The following MYO16 variants were observed in gnomAD, a reference collection of about 807,000 sequenced individuals.
MYO16 encodes myosin XVI, also known as unconventional myosin-XVI.
In MYO16, 94 loss-of-function variants were observed where a neutral mutation model predicts 205.3. That is an observed-to-expected ratio of 0.46 (90% CI 0.39 to 0.54). The LOEUF (loss-of-function observed/expected upper bound fraction) is 0.54. MYO16 is among the 20% of genes least tolerant of loss of function. The pLI is 0.00. For synonymous variants in MYO16, 988 were observed against 954.0 expected (o/e 1.04, Z -0.66); for missense variants, 2,315 against 2,387.5 (o/e 0.97, Z 0.63).
At chr13:108,524,927 T>C in the MYO16 span, among the ~76,000 whole-genome samples, 49,760 of 152,110 alleles carry the variant, frequency 0.33, 9,929 homozygotes, top group African/African-American at 0.56. Flanking sequence ...TTTAAAATCA[T>C]TTGCTTGTTT....
At chr13:108,532,583 A>G in the MYO16 span, among the ~76,000 whole-genome samples, 4 of 151,906 alleles carry the variant, frequency 2.6e-5, no homozygotes, top group African/African-American at 9.7e-5. Context: ...GCTTGAACCC[A>G]GGAATTGAAA....
At chr13:109,020,261 T>C (rs1426235636) in intron 23 of MYO16, among the ~76,000 whole-genome samples, 1 of 152,184 alleles carries the variant, frequency 6.6e-6, no homozygotes. Context: ...GCCTTGAATA[T>C]AGTTTTTAGT....
the MYO16 span, among the ~76,000 whole-genome samples, chr13:108,554,396 A>G: frequency 6.6e-6 from 1 of 152,226 alleles, no homozygotes; most frequent in South Asian, 2.1e-4. Flanking sequence ...TTGAATTACT[A>G]CCTTTATGAT....
the MYO16 span, among the ~76,000 whole-genome samples, chr13:108,520,166 G>A: frequency 3.9e-4 from 60 of 152,130 alleles, no homozygotes; most frequent in Non-Finnish European, 3.8e-4. Flanking sequence ...ACCTGGGCAA[G>A]TCATTTAATA....
the MYO16 span, among the ~76,000 whole-genome samples, chr13:108,566,146 A>G: frequency 2.0e-5 from 3 of 152,274 alleles, no homozygotes; most frequent in East Asian, 3.9e-4. Flanking sequence ...CAGTGAAGCC[A>G]TCAGGTCCTG....
At chr13:108,777,030 A>C (rs1272385094) in intron 4 of MYO16, among the ~76,000 whole-genome samples, 3 of 152,124 alleles carry the variant, frequency 2.0e-5, no homozygotes, top group African/African-American at 7.2e-5. Flanking sequence ...GTGTACCTAG[A>C]AGCATACATG....
intron 27 of MYO16, among the ~76,000 whole-genome samples, chr13:109,081,540 C>G (rs1888280896): frequency 6.6e-6 from 1 of 152,132 alleles, no homozygotes; most frequent in South Asian, 2.1e-4. Flanking sequence ...ATGATACCTC[C>G]AGAGAAAAGA....
intron 17 of MYO16, among the ~76,000 whole-genome samples, chr13:108,960,071 G>A (rs112805202): frequency 0.018 from 2,709 of 151,634 alleles, 82 homozygotes; most frequent in African/African-American, 0.062. Context: ...CCAGGAGTTC[G>A]AGACCAACCT....
At chr13:108,586,116 G>T in the MYO16 span, among the ~76,000 whole-genome samples, 1 of 151,812 alleles carries the variant, frequency 6.6e-6, no homozygotes, top group African/African-American at 2.4e-5. Flanking sequence ...TGCATATGTT[G>T]TATACATTCA....
At chr13:108,538,161 T>A in the MYO16 span, among the ~76,000 whole-genome samples, 1 of 152,080 alleles carries the variant, frequency 6.6e-6, no homozygotes, top group Non-Finnish European at 1.5e-5. Context: ...ACAAAATATA[T>A]TTATGTATGG....
At chr13:109,199,542 G>T (rs912358355) in intron 34 of MYO16, among the ~76,000 whole-genome samples, 2 of 152,074 alleles carry the variant, frequency 1.3e-5, no homozygotes, top group Non-Finnish European at 2.9e-5. Context: ...GTGATATGGG[G>T]TGAAGATAAT....
chr13:109,011,498 C>CTTTTTTTTTTTTTTTTTTTTTTT (rs34575828), intron 22 of MYO16, among the ~76,000 whole-genome samples: 35 of 129,926 alleles, frequency 2.7e-4, no homozygotes, highest in Non-Finnish European at 4.6e-4. Flanking sequence ...TTCTTCCTTT[C>CTTTTTTTTTTTTTTTTTTTTTTT]TTTTTTTTTT....
chr13:108,943,011 G>A (rs1882790814), intron 16 of MYO16, among the ~76,000 whole-genome samples: 2 of 152,204 alleles, frequency 1.3e-5, no homozygotes, highest in African/African-American at 2.4e-5. Flanking sequence ...CAGTAAGGAA[G>A]CATGATTAGT....
chr13:108,797,331 G>A (rs960561839), intron 6 of MYO16, among the ~76,000 whole-genome samples: 6 of 152,202 alleles, frequency 3.9e-5, no homozygotes, highest in African/African-American at 1.2e-4. Flanking sequence ...AGGAACATTA[G>A]CATATATGTG....
At chr13:108,818,505 G>T (rs1397122381) in intron 7 of MYO16, among the ~76,000 whole-genome samples, 3 of 151,516 alleles carry the variant, frequency 2.0e-5, no homozygotes, top group African/African-American at 7.3e-5. Context: ...GCATAAATGA[G>T]AATATAAAAC....
chr13:108,655,089 C>G (rs761708095), intron 1 of MYO16, among the ~76,000 whole-genome samples: 1 of 151,978 alleles, frequency 6.6e-6, no homozygotes, highest in Non-Finnish European at 1.5e-5. Context: ...GCATAAGTAA[C>G]AAGCAGCCGA....
chr13:108,755,141 A>G (rs1302297706), intron 4 of MYO16, among the ~76,000 whole-genome samples: 3 of 152,098 alleles, frequency 2.0e-5, no homozygotes, highest in East Asian at 1.9e-4. Flanking sequence ...GAAGAGATCA[A>G]CAGTGATTTC....
intron 1 of MYO16, among the ~76,000 whole-genome samples, chr13:108,661,002 T>C (rs1881478063): frequency 1.3e-5 from 2 of 152,222 alleles, no homozygotes; most frequent in African/African-American, 4.8e-5. Flanking sequence ...TGTTAGCATT[T>C]GTTTGTCTGA....
intron 21 of MYO16, among the ~76,000 whole-genome samples, chr13:108,995,684 G>A (rs1446108279): frequency 6.6e-6 from 1 of 152,118 alleles, no homozygotes; most frequent in Non-Finnish European, 1.5e-5. Flanking sequence ...GTGAGAACAT[G>A]CGGTGTTTCG....
Sources: gnomAD v4.1 joint callset for allele counts (sites outside exome capture counted in the v4.1 genomes callset) on GRCh38, gnomAD v4.1.1 for gene constraint, MANE v1.5 for transcripts, NCBI Gene and HGNC (gene_info 2026-07-23, HGNC 2026-07-21) for gene names.